PIP4K2A: variants seen among roughly 807,000 people sequenced by gnomAD.
PIP4K2A encodes phosphatidylinositol-5-phosphate 4-kinase type 2 alpha.
A neutral mutation model predicts 42.9 loss-of-function variants in PIP4K2A; 14 were observed. That is an observed-to-expected ratio of 0.33 (90% CI 0.22 to 0.51). The LOEUF (loss-of-function observed/expected upper bound fraction) is 0.51, where lower values mean the gene tolerates loss of function less well. Ranked by LOEUF, PIP4K2A falls within the 20% of genes least tolerant of loss-of-function variation. The pLI, the probability that PIP4K2A is intolerant of heterozygous loss-of-function variation, is 0.97. For missense variants in PIP4K2A, 434 were observed against 519.8 expected, an observed-to-expected ratio of 0.83 and a Z score of 1.61; for synonymous variants, 192 against 192.2, an observed-to-expected ratio of 1.00 and a Z score of 0.01.
intron 3 of PIP4K2A, among the ~76,000 whole-genome samples, chr10:22,603,066 C>T (rs971429893): frequency 4.6e-5 from 7 of 152,298 alleles, no homozygotes; most frequent in South Asian, 4.1e-4. Context: ...GGTCTTAACA[C>T]TTTAGAATTT....
intron 1 of PIP4K2A, among the ~76,000 whole-genome samples, chr10:22,679,617 C>A (rs1234243646): frequency 6.6e-6 from 1 of 152,136 alleles, no homozygotes; most frequent in Non-Finnish European, 1.5e-5. Flanking sequence ...ATGTTCATAG[C>A]AGCATTATTC....
Position 22,714,296 on chromosome 10 carries a change from C to G in PIP4K2A, c.31G>C (p.Val11Leu), listed in dbSNP as rs770752156. Reference protein sequence around the residue: MATPGNLGSSVLASKTKTKKK... With the variant: MATPGNLGSSLLASKTKTKKK... The stretch of plus-strand genomic sequence containing the variant: ...TTGGTCTTGGTCTTGCTCGCCAGGA[C>G]AGAGGACCCTAGGTTGCCGGGGGTC... Residue 11 changes from valine (V) to leucine (L), a missense_variant, in exon 1 of 10, where the codon GTC becomes CTC. Val to Leu is a conservative substitution (Grantham distance 32). Coordinates refer to ENST00000376573, the MANE Select transcript of PIP4K2A (RefSeq NM_005028.5). 54 of 1,611,188 alleles carry G rather than the reference C, an allele frequency of 3.4e-5. No individual in the cohort carries two copies. Among genetic ancestry groups the G allele is most frequent in the Non-Finnish European group, 4.4e-5 (52 of 1,178,604 alleles).
At chr10:22,567,823 A>T (rs746312768) in intron 6 of PIP4K2A, 28 bp downstream of exon 6, 2 of 1,580,114 alleles carry the variant, frequency 1.3e-6, no homozygotes. Flanking sequence ...CCCCCAGGAC[A>T]TGGGGAGACA....
intron 1 of PIP4K2A, among the ~76,000 whole-genome samples, chr10:22,657,435 T>C (rs1839124324): frequency 6.6e-6 from 1 of 152,242 alleles, no homozygotes; most frequent in Non-Finnish European, 1.5e-5. Context: ...AGGAACTTCT[T>C]CAATTTTATT....
At chr10:22,584,898 T>G (rs1052938428) in intron 4 of PIP4K2A, among the ~76,000 whole-genome samples, 2 of 152,130 alleles carry the variant, frequency 1.3e-5, no homozygotes, top group African/African-American at 2.4e-5. Flanking sequence ...AAGAGCAGAT[T>G]CAGAACTGAG....
At chr10:22,686,610 C>G (rs1473285386) in intron 1 of PIP4K2A, among the ~76,000 whole-genome samples, 1 of 152,128 alleles carries the variant, frequency 6.6e-6, no homozygotes, top group Non-Finnish European at 1.5e-5. Flanking sequence ...ACTGAGACCA[C>G]AGGCATACAC....
intron 6 of PIP4K2A, among the ~76,000 whole-genome samples, chr10:22,565,335 T>G (rs1320353484): frequency 6.6e-6 from 1 of 152,226 alleles, no homozygotes; most frequent in Non-Finnish European, 1.5e-5. Flanking sequence ...GCTAAAGCCA[T>G]GACAGAAGAA....
intron 4 of PIP4K2A, among the ~76,000 whole-genome samples, chr10:22,578,538 C>T (rs1390117988): frequency 6.6e-6 from 1 of 152,190 alleles, no homozygotes; most frequent in African/African-American, 2.4e-5. Flanking sequence ...ATCTTTCCTG[C>T]TCTTTGGCCA....
chr10:22,587,821 A>G (rs985344332), intron 4 of PIP4K2A, among the ~76,000 whole-genome samples: 1 of 152,246 alleles, frequency 6.6e-6, no homozygotes, highest in Non-Finnish European at 1.5e-5. Context: ...TACTAAATGT[A>G]AACTACACAC....
intron 3 of PIP4K2A, among the ~76,000 whole-genome samples, chr10:22,596,996 G>C (rs1478986496): frequency 6.6e-6 from 1 of 152,182 alleles, no homozygotes; most frequent in Non-Finnish European, 1.5e-5. Context: ...GAGCCAGCTG[G>C]CACAAAACCA....
At chr10:22,538,186 G>C (rs1835984548) in intron 9 of PIP4K2A, among the ~76,000 whole-genome samples, 1 of 152,230 alleles carries the variant, frequency 6.6e-6, no homozygotes, top group South Asian at 2.1e-4. Context: ...GAGGAGCCCA[G>C]GCTTGAATGC....
chr10:22,570,709 A>G (rs1372610869), intron 5 of PIP4K2A, among the ~76,000 whole-genome samples: 1 of 152,214 alleles, frequency 6.6e-6, no homozygotes, highest in Non-Finnish European at 1.5e-5. Context: ...AATAATACTG[A>G]GAAATTATTT....
intron 1 of PIP4K2A, among the ~76,000 whole-genome samples, chr10:22,684,193 C>T (rs1230036084): frequency 6.6e-6 from 1 of 152,192 alleles, no homozygotes; most frequent in Non-Finnish European, 1.5e-5. Context: ...CACTGGCTTG[C>T]TGTTTTATGA....
chr10:22,596,603 G>C (rs1055112988), intron 3 of PIP4K2A, among the ~76,000 whole-genome samples: 2 of 152,240 alleles, frequency 1.3e-5, no homozygotes, highest in Admixed American at 6.5e-5. Context: ...ATCACAGCAT[G>C]ATGTTGGATG....
chr10:22,697,214 T>C (rs1036559057), intron 1 of PIP4K2A, among the ~76,000 whole-genome samples: 1 of 152,166 alleles, frequency 6.6e-6, no homozygotes, highest in African/African-American at 2.4e-5. Context: ...GAGTGTCTTA[T>C]CTAAATGGAA....
intron 3 of PIP4K2A, among the ~76,000 whole-genome samples, chr10:22,592,073 G>C (rs892776471): frequency 6.6e-6 from 1 of 152,162 alleles, no homozygotes; most frequent in African/African-American, 2.4e-5. Flanking sequence ...TCTTTTCAGA[G>C]TTGGACAAGC....
chr10:22,557,816 A>T (rs1410705406), intron 6 of PIP4K2A, among the ~76,000 whole-genome samples: 1 of 152,216 alleles, frequency 6.6e-6, no homozygotes, highest in African/African-American at 2.4e-5. Flanking sequence ...TAGAAAATAC[A>T]TGAACCTAAA....
intron 7 of PIP4K2A, among the ~76,000 whole-genome samples, chr10:22,542,906 C>A (rs1315669601): frequency 6.6e-6 from 1 of 152,170 alleles, no homozygotes; most frequent in Non-Finnish European, 1.5e-5. Context: ...TGGCTCTGCA[C>A]AGGATCCTGT....
At chr10:22,613,650 T>G (rs945502552) in intron 1 of PIP4K2A, among the ~76,000 whole-genome samples, 2 of 152,064 alleles carry the variant, frequency 1.3e-5, no homozygotes, top group Admixed American at 6.5e-5. Context: ...AGAATGTGGA[T>G]GGACAAGTTT....
Sources: allele counts gnomAD v4.1 joint callset (sites outside exome capture counted in the v4.1 genomes callset), GRCh38; gene constraint gnomAD v4.1.1; transcripts MANE v1.5; gene names NCBI Gene and HGNC (gene_info 2026-07-23, HGNC 2026-07-21).